BEST3: variants seen among roughly 807,000 people sequenced by gnomAD.
BEST3 encodes bestrophin 3, also known as bestrophin-3.
A neutral mutation model predicts 47.1 loss-of-function variants in BEST3; 50 were observed. The ratio of observed to expected loss-of-function variants is 1.06; its 90% CI spans 0.85 to 1.34. BEST3 has a LOEUF of 1.34. Among genes scored for constraint, BEST3 ranks in the 40% most tolerant of loss-of-function variants. The pLI is 0.00. For missense variants in BEST3, 765 were observed against 817.0 expected (o/e 0.94, Z 0.78); for synonymous variants, 282 against 298.8 (o/e 0.94, Z 0.58).
chr12:69,643,889 A>C, intron 9 of BEST3: 1 of 531,982 alleles, frequency 1.9e-6, no homozygotes. Flanking sequence ...CACATAGGCC[A>C]CCACACATTT....
intron 1 of BEST3, among the ~76,000 whole-genome samples, 188 bp from the exon 2 acceptor site, chr12:69,698,001 G>A (rs1886197586): frequency 6.6e-6 from 1 of 152,180 alleles, no homozygotes; most frequent in Non-Finnish European, 1.5e-5. Context: ...AAAGCAGGAG[G>A]AAAGCAGTCT....
At position 69,655,465 on chromosome 12, in the gene BEST3, G is replaced by A; in HGVS notation, c.1449C>T (p.Ser483=). ...RETSQTSTLQ[S]LTPQSSVRTS... ...TTCTCACACTGGACTGTGGGGTCAG[G>A]CTCTGTAAAGTGCTTGTCTGGCTGG... Residue 483 remains serine, a synonymous_variant, in exon 10 of 10, where the codon AGC becomes AGT. Transcript: ENST00000330891. 1 of 1,614,114 alleles carries A rather than the reference G, an allele frequency of 6.2e-7. No individual in the cohort carries two copies. The highest frequency in any genetic ancestry group is 8.5e-7 in the Non-Finnish European group (1 of 1,180,016).
downstream of BEST3, among the ~76,000 whole-genome samples, chr12:69,648,832 A>G (rs1032379283): frequency 3.9e-5 from 6 of 152,084 alleles, no homozygotes; most frequent in Admixed American, 6.5e-5. Context: ...CTTTGTAACT[A>G]TTTTCTACAA....
At position 69,671,438 on chromosome 12, in the gene BEST3, C is replaced by T; in HGVS notation, c.1090G>A (p.Val364Ile). 6.2e-7 allele frequency: 1 copy of T among 1,613,596 alleles called. No individual in the cohort carries two copies. ...TAAAAATGCACTTACCCCATCTGGA[C>T]TGTTGACCCCAGAAATGAGGGTATG... ...YCIPSFLGST[V>I]QMGLSGSDFP... The change falls in exon 9 of 10, where the codon GTC becomes ATC. Residue 364 changes from valine (V) to isoleucine (I), a missense_variant. Physicochemically the swap from Val to Ile is conservative, Grantham distance 29. Coordinates refer to ENST00000330891, the MANE Select transcript of BEST3 (RefSeq NM_032735.3).
rs1396484690 is a variant in BEST3 at position 69,655,078 on chromosome 12, G to A, written c.1836C>T (p.Ser612=). ...TGTCAATTAAAAGAGCTGGCTGAGA[G>A]CTCATGGGGTCTGGACTTAGGTTTC... ...SLGNLSPDPM[S]SQPALLIDTE... is the part of the protein sequence containing the mutation. The change falls in exon 10 of 10, where the codon AGC becomes AGT. Residue 612 remains serine, a synonymous_variant. Coordinates refer to ENST00000330891, the MANE Select transcript of BEST3 (RefSeq NM_032735.3). 10 of 1,614,182 alleles carry A rather than the reference G, an allele frequency of 6.2e-6. No homozygotes were observed. Among genetic ancestry groups the A allele is most frequent in the Admixed American group, 5.0e-5 (3 of 60,022 alleles).
rs370236703 is a variant in BEST3, at chr12:69,663,176, TAGTA to T, written c.1101-7367_1101-7364del. 4.6e-4 allele frequency among the ~76,000 whole-genome samples: 70 copies of T among 152,352 alleles called. No individual in the cohort carries two copies. The East Asian group carries it at 0.013, about 27-fold the overall frequency. Reference sequence around the variant, plus strand: ...TGGGTAATCCCAAGTAATTGAAAGATAGTAAGAATTTTGAAGTGACTTATGATGA... The same window carrying T: ...TGGGTAATCCCAAGTAATTGAAAGATAGAATTTTGAAGTGACTTATGATGA... On this transcript the variant is annotated intron_variant, in intron 9 of 9. Coordinates refer to ENST00000330891, the MANE Select transcript of BEST3 (RefSeq NM_032735.3).
chr12:69,683,757 G>T (rs1219294717), intron 4 of BEST3: 1 of 152,204 alleles, frequency 6.6e-6, no homozygotes, highest in Non-Finnish European at 1.5e-5. Flanking sequence ...CTGAGGCTGT[G>T]TCACGGGTGC....
chr12:69,673,080 G>C, intron 7 of BEST3, 115 bp from the exon 8 acceptor site: 1 of 699,508 alleles, frequency 1.4e-6, no homozygotes, highest in Non-Finnish European at 2.4e-6. Context: ...CTAATACGAA[G>C]AGTAGAGGGG....
At chr12:69,692,953 G>C (rs368186744) in intron 4 of BEST3, among the ~76,000 whole-genome samples, 1 of 152,174 alleles carries the variant, frequency 6.6e-6, no homozygotes, top group African/African-American at 2.4e-5. Context: ...AGTAGAGACA[G>C]GGTTTCACCA....
At chr12:69,675,226 C>G (rs1324768910) in intron 7 of BEST3, among the ~76,000 whole-genome samples, 5 of 151,936 alleles carry the variant, frequency 3.3e-5, no homozygotes, top group Non-Finnish European at 7.4e-5. Flanking sequence ...CTCAAGTGAC[C>G]CTTCCACCTC....
intron 2 of BEST3, among the ~76,000 whole-genome samples, chr12:69,694,884 A>G (rs1264809760): frequency 6.6e-6 from 1 of 152,180 alleles, no homozygotes; most frequent in Non-Finnish European, 1.5e-5. Flanking sequence ...ACTGAATTTG[A>G]CACCTTGATA....
intron 4 of BEST3, 100 bp from the exon 5 acceptor site, chr12:69,678,993 A>G: frequency 1.0e-6 from 1 of 974,056 alleles, no homozygotes; most frequent in Admixed American, 2.8e-5. Flanking sequence ...ATGAGGGGAT[A>G]TTAAAGAAAT....
rs1444591257 is a variant in BEST3, at chr12:69,694,464, T to A, written c.153A>T (p.Arg51Ser). The A allele has an allele frequency of 3.2e-6, 5 of 1,575,940 alleles. No homozygotes were observed. Among genetic ancestry groups the A allele is most frequent in the Non-Finnish European group, 4.3e-6 (5 of 1,152,898 alleles). ...GTTTTTGGACTCCTGTAAGTAACAA[T>A]CTGGAGCAAAAATAAAATGCACAGC... ...VLYTAISLVY[R>S]LLLTGVQKRY... Residue 51 changes from arginine (R) to serine (S), a missense_variant and splice_region_variant, in exon 3 of 10, where the codon AGA becomes AGT. By Grantham distance (110) the Arg-to-Ser change is moderately radical. Coordinates refer to ENST00000330891, the MANE Select transcript of BEST3 (RefSeq NM_032735.3).
chr12:69,686,786 A>AAAAAAAAAAAAAAAAAAAAAAAG (rs371159662), intron 4 of BEST3, among the ~76,000 whole-genome samples: 6 of 143,274 alleles, frequency 4.2e-5, no homozygotes, highest in Non-Finnish European at 6.1e-5. Flanking sequence ...AAACAAAAAA[A>AAAAAAAAAAAAAAAAAAAAAAAG]AAAGAAAGAA....
chr12:69,696,272 T>C (rs1369472797), intron 2 of BEST3, among the ~76,000 whole-genome samples: 15 of 152,164 alleles, frequency 9.9e-5, no homozygotes, highest in Admixed American at 3.9e-4. Context: ...AAGAAATATA[T>C]GCATAAAATG....
chr12:69,664,920 G>A (rs553381254), intron 9 of BEST3, among the ~76,000 whole-genome samples: 10 of 152,264 alleles, frequency 6.6e-5, no homozygotes, highest in African/African-American at 1.2e-4. Context: ...GATAAATAGC[G>A]TAAGATTTGC....
At chr12:69,652,598 A>G (rs1239681577), downstream of BEST3, among the ~76,000 whole-genome samples, 1 of 152,256 alleles carries the variant, frequency 6.6e-6, no homozygotes, top group Non-Finnish European at 1.5e-5. Flanking sequence ...AAATTAAAAA[A>G]TTATCTGGAT....
rs745856595 is a variant in BEST3, at chr12:69,694,424, A to G, written c.193T>C (p.Leu65=). The change falls in exon 3 of 10, where the codon TTA becomes CTA. Residue 65 remains leucine, a synonymous_variant. Coordinates refer to ENST00000330891, the MANE Select transcript of BEST3 (RefSeq NM_032735.3). ...TGVQKRYFEK[L]SIYCDRYAEQ... The stretch of plus-strand genomic sequence containing the variant: ...GCATATCTGTCACAGTAAATTGATA[A>G]TTTTTCAAAGTAACGTTTTTGGACT... The G allele has an allele frequency of 7.7e-5, 124 of 1,609,546 alleles. No individual in the cohort carries two copies. Among genetic ancestry groups the G allele is most frequent in the Non-Finnish European group, 1.0e-4 (123 of 1,178,120 alleles).
intron 7 of BEST3, among the ~76,000 whole-genome samples, chr12:69,675,509 A>G (rs710720): frequency 0.48 from 72,846 of 152,084 alleles, 17,614 homozygotes; most frequent in Admixed American, 0.59. Flanking sequence ...CTGGTCAAGC[A>G]CCTTACATGG....
Sources: allele counts gnomAD v4.1 joint callset (sites outside exome capture counted in the v4.1 genomes callset), GRCh38; gene constraint gnomAD v4.1.1; transcripts MANE v1.5; gene names NCBI Gene and HGNC (gene_info 2026-07-23, HGNC 2026-07-21).